Variants in NAV2 observed in about 807,000 individuals in gnomAD.
NAV2 encodes neuron navigator 2, also known as helicase, APC down-regulated 1.
In NAV2, 54 loss-of-function variants were observed where a neutral mutation model predicts 223.2. That is an observed-to-expected ratio of 0.24 (90% CI 0.19 to 0.30). The LOEUF is 0.30. Ranked by LOEUF, NAV2 falls within the 10% of genes least tolerant of loss-of-function variation. NAV2 has a pLI of 1.00. For missense variants in NAV2, 2,806 were observed against 3,147.5 expected, an observed-to-expected ratio of 0.89 and a Z score of 2.60; for synonymous variants, 1,279 against 1,239.3, an observed-to-expected ratio of 1.03 and a Z score of -0.67.
intron 1 of NAV2, among the ~76,000 whole-genome samples, chr11:19,463,941 G>T (rs1047729236): frequency 6.6e-6 from 1 of 152,188 alleles, no homozygotes; most frequent in African/African-American, 2.4e-5. Context: ...GTGAGTGTCT[G>T]CCATGCTGCA....
intron 3 of NAV2, among the ~76,000 whole-genome samples, chr11:19,858,500 A>G (rs1195205921): frequency 6.6e-6 from 1 of 152,188 alleles, no homozygotes; most frequent in African/African-American, 2.4e-5. Flanking sequence ...TATCCTGGTA[A>G]TTGTGAATAG....
Position 19,868,793 on chromosome 11 carries a change from G to T in NAV2, c.439-132G>T, listed in dbSNP as rs1469915388. 9 of 758,466 alleles carry T rather than the reference G, an allele frequency of 1.2e-5. No individual in the cohort carries two copies. The Admixed American group carries it at 2.2e-4, about 18-fold the overall frequency. 47.0% of individuals were successfully genotyped at this position (758,466 alleles called of 1,614,324 possible). A position where few individuals can be genotyped will look rare whatever the true frequency, so the allele number is the denominator to read the frequency against. On this transcript the variant is annotated intron_variant, in intron 3 of 37. Transcript: ENST00000349880. ...TTTTCCTGTGCAAGTACAGACAAAA[G>T]AGAGTGTCCTATCTTGGCGTTCGTT...
Position 19,713,327 on chromosome 11 carries a change from A to T in NAV2, c.-369A>T. The T allele has an allele frequency of 9.3e-7, 1 of 1,075,566 alleles. No individual in the cohort carries two copies. The highest frequency in any genetic ancestry group is 1.1e-6 in the Non-Finnish European group (1 of 889,530). The allele number at this position is 1,075,566 out of a possible 1,614,324, so 66.6% of individuals were successfully genotyped here. A position where few individuals can be genotyped will look rare whatever the true frequency, so the allele number is the denominator to read the frequency against. ...AGGGGCCTCCTCACTTCGGAGATGC[A>T]GTGACAAGTTAATATGGGCGTCCAA... On this transcript the variant is annotated 5_prime_UTR_variant, in exon 1 of 38. Coordinates refer to ENST00000349880, the MANE Select transcript of NAV2 (RefSeq NM_145117.5). The surrounding 1 kb of genome is among the most constrained non-coding windows in gnomAD (Gnocchi z 7.2).
chr11:19,725,800 T>TCTGCCTG (rs2051185137), intron 1 of NAV2, among the ~76,000 whole-genome samples: 1 of 152,252 alleles, frequency 6.6e-6, no homozygotes, highest in African/African-American at 2.4e-5. Flanking sequence ...GTTGGTACAT[T>TCTGCCTG]TTGTAACAGG....
intron 4 of NAV2, among the ~76,000 whole-genome samples, chr11:19,871,625 C>G (rs2062505024): frequency 6.6e-6 from 1 of 152,098 alleles, no homozygotes; most frequent in Non-Finnish European, 1.5e-5. Flanking sequence ...TATGATCCCT[C>G]CGGTACCTAC....
chr11:20,103,892 A>G (rs561910198), intron 34 of NAV2, among the ~76,000 whole-genome samples, 168 bp downstream of exon 34: 1 of 152,330 alleles, frequency 6.6e-6, no homozygotes, highest in South Asian at 2.1e-4. Context: ...AAGTAATTAC[A>G]TTCACCACTC....
Position 19,774,609 on chromosome 11 carries a change from C to G in NAV2, c.268-57875C>G, listed in dbSNP as rs566077338. 8.5e-5 allele frequency among the ~76,000 whole-genome samples: 13 copies of G among 152,306 alleles called. 1 individual carries two copies. In the South Asian group the frequency reaches 2.5e-3, roughly 29 times the overall value. On this transcript the variant is annotated intron_variant, in intron 1 of 37. Coordinates refer to ENST00000349880, the MANE Select transcript of NAV2 (RefSeq NM_145117.5). Reference sequence around the variant, plus strand: ...TGTGTGTGCATGGTAGGGACACACACATACACACAGAGAGAGACACATACC... The same window carrying G: ...TGTGTGTGCATGGTAGGGACACACAGATACACACAGAGAGAGACACATACC...
intron 1 of NAV2, among the ~76,000 whole-genome samples, chr11:19,443,499 A>G (rs936687576): frequency 6.6e-6 from 1 of 152,216 alleles, no homozygotes; most frequent in Non-Finnish European, 1.5e-5. Context: ...ATGCTGAGCA[A>G]GGACACCTGT....
intron 1 of NAV2, among the ~76,000 whole-genome samples, chr11:19,450,769 C>T (rs1042556159): frequency 6.6e-5 from 10 of 152,126 alleles, no homozygotes; most frequent in African/African-American, 1.7e-4. Context: ...TTGGCAGGGA[C>T]GCGTTTGTGT....
At chr11:19,500,737 G>C (rs1409794974) in intron 1 of NAV2, among the ~76,000 whole-genome samples, 1 of 152,112 alleles carries the variant, frequency 6.6e-6, no homozygotes, top group Non-Finnish European at 1.5e-5. Flanking sequence ...AAAACTTTCA[G>C]ATGCTTTATC....
At chr11:19,546,213 G>A (rs2044494331) in intron 1 of NAV2, among the ~76,000 whole-genome samples, 1 of 152,206 alleles carries the variant, frequency 6.6e-6, no homozygotes, top group Non-Finnish European at 1.5e-5. Flanking sequence ...CTTGATGTGG[G>A]GTCTCGAGCA....
At position 20,086,077 on chromosome 11, in the gene NAV2, C is replaced by T. The variant is rs146068095; in HGVS notation, c.5498+2898C>T. ...GAGGGATGGACAGCGTGACTTCCCA[C>T]ATATGCGAGTAGGCTACAGCCACAG... On this transcript the variant is annotated intron_variant, in intron 26 of 37. Transcript: ENST00000349880. Among the ~76,000 whole-genome samples the T allele has an allele frequency of 2.3e-3, 350 of 152,338 alleles. 2 individuals are homozygous for T. Among genetic ancestry groups the T allele is most frequent in the African/African-American group, 8.1e-3 (337 of 41,578 alleles).
intron 1 of NAV2, among the ~76,000 whole-genome samples, chr11:19,488,618 G>A (rs553752874): frequency 1.2e-3 from 180 of 152,256 alleles, no homozygotes; most frequent in Admixed American, 3.1e-3. Flanking sequence ...ATTGGGGATC[G>A]TAATACTTAT....
intron 17 of NAV2, among the ~76,000 whole-genome samples, chr11:20,053,398 G>A (rs1185007237): frequency 6.6e-6 from 1 of 152,112 alleles, no homozygotes; most frequent in Non-Finnish European, 1.5e-5. Flanking sequence ...TTGCTGAGTA[G>A]GTCTGAGGCT....
intron 1 of NAV2, among the ~76,000 whole-genome samples, chr11:19,770,599 A>G (rs928973730): frequency 6.6e-6 from 1 of 152,206 alleles, no homozygotes; most frequent in Admixed American, 6.5e-5. Context: ...TGGGAATAGC[A>G]TGTCTGCTCT....
chr11:20,001,110 C>G (rs549244523), intron 11 of NAV2, among the ~76,000 whole-genome samples: 3 of 152,268 alleles, frequency 2.0e-5, no homozygotes, highest in African/African-American at 7.2e-5. Flanking sequence ...CCGGCTGCAC[C>G]AAACACTTGG....
At chr11:19,562,482 GT>G in intron 1 of NAV2, among the ~76,000 whole-genome samples, 1 of 152,120 alleles carries the variant, frequency 6.6e-6, no homozygotes, top group Non-Finnish European at 1.5e-5. Context: ...TTCACTTAAT[GT>G]TTTTGACTCT....
intron 1 of NAV2, among the ~76,000 whole-genome samples, chr11:19,417,032 G>C (rs903060056): frequency 6.6e-6 from 1 of 152,090 alleles, no homozygotes; most frequent in Admixed American, 6.6e-5. Flanking sequence ...GGATGTAGGC[G>C]TGGGCAAAGA....
At chr11:19,561,323 G>A (rs545188114) in intron 1 of NAV2, among the ~76,000 whole-genome samples, 1 of 152,302 alleles carries the variant, frequency 6.6e-6, no homozygotes, top group Admixed American at 6.5e-5. Flanking sequence ...GTCACGGAGA[G>A]TCGGGCGGGA....
Sources: allele counts gnomAD v4.1 joint callset (sites outside exome capture counted in the v4.1 genomes callset), GRCh38; gene constraint gnomAD v4.1.1; non-coding constraint Gnocchi (gnomAD v3.1); transcripts MANE v1.5; gene names NCBI Gene and HGNC (gene_info 2026-07-23, HGNC 2026-07-21).